GCKR: variants seen among roughly 807,000 people sequenced by gnomAD.
GCKR encodes the protein glucokinase regulatory protein.
Under a neutral mutation model 82.9 loss-of-function variants are expected in GCKR, and 73 were observed. The ratio of observed to expected loss-of-function variants is 0.88; its 90% CI spans 0.73 to 1.07. The LOEUF (loss-of-function observed/expected upper bound fraction) is 1.07. Among genes scored for constraint, GCKR ranks in the 50% least tolerant of loss-of-function variants. The pLI is 0.00. For synonymous variants in GCKR, 294 were observed against 291.8 expected (o/e 1.01, Z -0.08); for missense variants, 784 against 782.1 (o/e 1.00, Z -0.03).
chr2:27,516,280 CTTGTTTTTTTT>C (rs1271539898), intron 16 of GCKR, among the ~76,000 whole-genome samples: 1,302 of 88,394 alleles, frequency 0.015, 14 homozygotes, highest in African/African-American at 0.056. Flanking sequence ...GTTCTTCATT[CTTGTTTTTTTT>C]TTTTTTTTTT....
At chr2:27,506,030 C>T (rs574506654) in intron 10 of GCKR, among the ~76,000 whole-genome samples, 194 bp downstream of exon 10, 2 of 152,304 alleles carry the variant, frequency 1.3e-5, no homozygotes, top group South Asian at 4.1e-4. Flanking sequence ...CGAATTGTTT[C>T]CAGTGGATCC....
At chr2:27,522,388 T>A (rs1430385526) in intron 17 of GCKR, 72 bp from the exon 18 acceptor site, 14 of 1,511,356 alleles carry the variant, frequency 9.3e-6, no homozygotes, top group Non-Finnish European at 1.2e-5. Flanking sequence ...CATAGTTTAT[T>A]CTTCTCCCTT....
chr2:27,506,629 C>T, intron 11 of GCKR, 50 bp downstream of exon 11: 1 of 1,304,866 alleles, frequency 7.7e-7, no homozygotes, highest in Non-Finnish European at 1.1e-6. Context: ...ATGGAGAATA[C>T]TGAGAGCAGG....
At chr2:27,498,097 C>A (rs1669460179) in intron 3 of GCKR, among the ~76,000 whole-genome samples, 158 bp from the exon 4 acceptor site, 1 of 152,200 alleles carries the variant, frequency 6.6e-6, no homozygotes. Flanking sequence ...ATCCAATGTT[C>A]TTTTTGCTAC....
At chr2:27,514,828 A>G (rs1030209364) in intron 16 of GCKR, among the ~76,000 whole-genome samples, 1 of 152,106 alleles carries the variant, frequency 6.6e-6, no homozygotes, top group African/African-American at 2.4e-5. Context: ...AGGGTTTACT[A>G]TTTTGCTTTC....
intron 16 of GCKR, among the ~76,000 whole-genome samples, chr2:27,510,559 C>A (rs1193990347): frequency 1.3e-5 from 2 of 152,116 alleles, no homozygotes; most frequent in Non-Finnish European, 2.9e-5. Context: ...GCCAAACTGC[C>A]CTCCAAAGAG....
chr2:27,513,416 G>A (rs1269323052), intron 16 of GCKR, among the ~76,000 whole-genome samples: 1 of 151,634 alleles, frequency 6.6e-6, no homozygotes, highest in Non-Finnish European at 1.5e-5. Context: ...TGTAGTCCCA[G>A]ATACTCAGGA....
intron 16 of GCKR, among the ~76,000 whole-genome samples, chr2:27,510,636 T>TA (rs1382406459): frequency 1.3e-5 from 2 of 152,314 alleles, no homozygotes; most frequent in East Asian, 3.9e-4. Flanking sequence ...AGCATCCTTA[T>TA]AAAAAAATCT....
chr2:27,497,147 T>C (rs1572857197), intron 1 of GCKR, 97 bp from the exon 2 acceptor site: 1 of 1,449,098 alleles, frequency 6.9e-7, no homozygotes, highest in South Asian at 1.1e-5. Context: ...TGTGTGTAAG[T>C]CCAAACTCTG....
rs771289188 is a variant in GCKR at position 27,523,251 on chromosome 2, A to G, written c.1708-18A>G. 3 of 1,609,766 alleles carry G rather than the reference A, an allele frequency of 1.9e-6. No homozygotes were observed. The highest frequency in any genetic ancestry group is 2.5e-6 in the Non-Finnish European group (3 of 1,178,034). On this transcript the variant is annotated intron_variant, in intron 18 of 18. Transcript: ENST00000264717. Reference sequence around the variant, plus strand: ...CTCATTCCCTCAGGCTTCAGTGCCCACTGCCTCTTCCCCACAGGTGATACC... The same window carrying G: ...CTCATTCCCTCAGGCTTCAGTGCCCGCTGCCTCTTCCCCACAGGTGATACC...
chr2:27,515,765 A>ATATATATAT (rs1286679766), intron 16 of GCKR, among the ~76,000 whole-genome samples: 7 of 106,922 alleles, frequency 6.5e-5, no homozygotes, highest in African/African-American at 2.7e-4. Flanking sequence ...ATATATATAT[A>ATATATATAT]TTTTTTTTTT....
Position 27,498,766 on chromosome 2 carries a change from C to T in GCKR, c.397C>T (p.Leu133Phe), listed in dbSNP as rs1432275286. Residue 133 changes from leucine to phenylalanine, a missense_variant, in exon 5 of 19, where the codon CTT becomes TTT. Transcript: ENST00000264717. ...GATGAAAGGTCTGGGACAGAAACCT[C>T]TTTACACCTACCTCATTGCAGGTGG... ...QLMKGLGQKP[L>F]YTYLIAGGDR... 1 of 1,608,526 alleles carries T rather than the reference C, an allele frequency of 6.2e-7. No homozygotes were observed. Among genetic ancestry groups the T allele is most frequent in the Admixed American group, 1.7e-5 (1 of 60,018 alleles).
At chr2:27,520,892 A>C (rs1465049455) in intron 17 of GCKR, among the ~76,000 whole-genome samples, 1 of 151,980 alleles carries the variant, frequency 6.6e-6, no homozygotes, top group Non-Finnish European at 1.5e-5. Context: ...AAAAAATAAA[A>C]AAATAGCCGG....
chr2:27,497,475 G>A, intron 2 of GCKR, 76 bp downstream of exon 2: 2 of 1,585,538 alleles, frequency 1.3e-6, no homozygotes, highest in Non-Finnish European at 1.7e-6. Context: ...CCCTCACCAT[G>A]GCTCCTAATA....
Position 27,498,290 on chromosome 2 carries a change from G to A in GCKR, c.321G>A (p.Gly107=). The change falls in exon 4 of 19, where the codon GGG becomes GGA. Residue 107 remains glycine (G), a synonymous_variant. Coordinates refer to ENST00000264717, the MANE Select transcript of GCKR (RefSeq NM_001486.4). ...GGGGGCTGGTTGTGCTGAGTGGAGG[G>A]GGCACCTCTGGCCGGATGGCATTCC... ...PDGGLVVLSG[G]GTSGRMAFLM... 6.2e-7 allele frequency: 1 copy of A among 1,613,736 alleles called. No individual in the cohort carries two copies.
Position 27,496,920 on chromosome 2 carries a change from C to A in GCKR, c.16C>A (p.Arg6=), listed in dbSNP as rs148413763. 4 of 1,613,666 alleles carry A rather than the reference C, an allele frequency of 2.5e-6. No homozygotes were observed. The East Asian group carries it at 8.9e-5, about 36-fold the overall frequency. Residue 6 remains arginine (R), a synonymous_variant, in exon 1 of 19, where the codon CGG becomes AGG. Coordinates refer to ENST00000264717, the MANE Select transcript of GCKR (RefSeq NM_001486.4). The part of the protein sequence containing the change: MPGTK[R]FQHVIETPEP... ...GCGTGGGACCATGCCAGGCACAAAA[C>A]GGTTTCAACATGTCATTGAGACCCC...
intron 17 of GCKR, among the ~76,000 whole-genome samples, chr2:27,520,173 GAATC>G (rs1412460203): frequency 6.6e-6 from 1 of 151,934 alleles, no homozygotes; most frequent in Non-Finnish European, 1.5e-5. Context: ...TATGTGAAAG[GAATC>G]AATCAATGAA....
At chr2:27,512,048 G>A (rs1211566788) in intron 16 of GCKR, among the ~76,000 whole-genome samples, 1 of 152,094 alleles carries the variant, frequency 6.6e-6, no homozygotes, top group Non-Finnish European at 1.5e-5. Context: ...AGACCAGCCT[G>A]ATCAACATGG....
At chr2:27,513,041 A>G (rs1386921247) in intron 16 of GCKR, among the ~76,000 whole-genome samples, 1 of 152,190 alleles carries the variant, frequency 6.6e-6, no homozygotes, top group Non-Finnish European at 1.5e-5. Flanking sequence ...TGGTGATGCT[A>G]CATTCCATCG....
Sources: allele counts gnomAD v4.1 joint callset (sites outside exome capture counted in the v4.1 genomes callset), GRCh38; gene constraint gnomAD v4.1.1; transcripts MANE v1.5; gene names NCBI Gene and HGNC (gene_info 2026-07-23, HGNC 2026-07-21).